The following NTN4 variants were observed in gnomAD, a reference collection of about 807,000 sequenced individuals.
NTN4 encodes the protein netrin 4.
NTN4 carries 32 observed loss-of-function variants against 73.6 expected under a neutral mutation model. The ratio of observed to expected loss-of-function variants is 0.44; its 90% CI spans 0.33 to 0.58. The LOEUF (loss-of-function observed/expected upper bound fraction) is 0.58. Among genes scored for constraint, NTN4 ranks in the 20% least tolerant of loss-of-function variants. NTN4 has a pLI of 0.04. For missense variants in NTN4, 654 were observed against 798.3 expected (o/e 0.82, Z 2.18); for synonymous variants, 258 against 287.5 (o/e 0.90, Z 1.04).
intron 1 of NTN4, among the ~76,000 whole-genome samples, chr12:95,787,909 T>TA (rs2079181690): frequency 6.6e-6 from 1 of 152,256 alleles, no homozygotes; most frequent in Non-Finnish European, 1.5e-5. Context: ...CCACCTAAGT[T>TA]AGTCTTTCAA....
At position 95,737,879 on chromosome 12, in the gene NTN4, C is replaced by T; in HGVS notation, c.851G>A (p.Gly284Glu). 6.2e-7 allele frequency: 1 copy of T among 1,611,090 alleles called. No homozygotes were observed. Among genetic ancestry groups the T allele is most frequent in the South Asian group, 1.1e-5 (1 of 90,838 alleles). ...VHGFRPVKAPGTFHMVHGKCM... is the reference protein window; with the variant it reads ...VHGFRPVKAPETFHMVHGKCM... ...TGTTTCACCTACCATGTGGAATGTT[C>T]CTGGGGCCTTGACAGGTCTGAAGCC... The change falls in exon 3 of 10, where the codon GGA becomes GAA. Residue 284 changes from glycine to glutamate, a missense_variant. By Grantham distance (98) the Gly-to-Glu change is moderately conservative. Transcript: ENST00000343702.
chr12:95,778,021 T>C (rs1297618313), intron 2 of NTN4, among the ~76,000 whole-genome samples: 1 of 151,802 alleles, frequency 6.6e-6, no homozygotes, highest in African/African-American at 2.4e-5. Context: ...TCAAAACCAC[T>C]CAACTACATG....
intron 1 of NTN4, among the ~76,000 whole-genome samples, chr12:95,787,840 C>T (rs868341290): frequency 1.6e-4 from 25 of 152,182 alleles, no homozygotes; most frequent in African/African-American, 6.0e-4. Context: ...TTCTGTATTT[C>T]AAATACATTG....
chr12:95,764,174 G>A (rs2079005820), intron 2 of NTN4, among the ~76,000 whole-genome samples: 1 of 152,218 alleles, frequency 6.6e-6, no homozygotes, highest in South Asian at 2.1e-4. Flanking sequence ...AGCCACAGCT[G>A]TAAAACATGT....
At chr12:95,758,819 G>A (rs2078964937) in intron 2 of NTN4, among the ~76,000 whole-genome samples, 1 of 152,180 alleles carries the variant, frequency 6.6e-6, no homozygotes. Context: ...GTCTCCCAAA[G>A]TGCTGAGATT....
chr12:95,667,189 G>A (rs2078187395), intron 8 of NTN4, among the ~76,000 whole-genome samples: 2 of 149,938 alleles, frequency 1.3e-5, no homozygotes, highest in Admixed American at 1.3e-4. Flanking sequence ...ACGTAGGGAA[G>A]TTCTTTTTTT....
chr12:95,664,362 TA>T (rs1466637141), intron 9 of NTN4, among the ~76,000 whole-genome samples: 1 of 152,068 alleles, frequency 6.6e-6, no homozygotes, highest in Non-Finnish European at 1.5e-5. Context: ...CCAGTCTATT[TA>T]TTTATTTATA....
intron 5 of NTN4, among the ~76,000 whole-genome samples, chr12:95,699,731 T>C (rs1177554631): frequency 6.6e-6 from 1 of 152,180 alleles, no homozygotes; most frequent in African/African-American, 2.4e-5. Context: ...TGGTAAATGC[T>C]TGGTTTGGGT....
At chr12:95,760,309 G>C (rs1286524653) in intron 2 of NTN4, among the ~76,000 whole-genome samples, 5 of 152,160 alleles carry the variant, frequency 3.3e-5, no homozygotes. Context: ...TACTAAGAAT[G>C]GTTCAACTAC....
chr12:95,775,557 C>G (rs1306429421), intron 2 of NTN4, among the ~76,000 whole-genome samples: 1 of 152,246 alleles, frequency 6.6e-6, no homozygotes, highest in Non-Finnish European at 1.5e-5. Flanking sequence ...CTCAGAGGGT[C>G]CCACGCCCAC....
At chr12:95,659,252 A>G (rs2120898831) in intron 9 of NTN4, 30 bp from the exon 10 acceptor site, 2 of 1,552,248 alleles carry the variant, frequency 1.3e-6, no homozygotes, top group East Asian at 2.3e-5. Context: ...GGGGCTATAC[A>G]GTATCATACT....
At chr12:95,687,376 GAAA>G (rs112729805) in intron 5 of NTN4, among the ~76,000 whole-genome samples, 1 of 148,684 alleles carries the variant, frequency 6.7e-6, no homozygotes, top group East Asian at 2.0e-4. Context: ...ATAATTTGGT[GAAA>G]AAAAATTTTT....
At chr12:95,768,825 T>C (rs537670167) in intron 2 of NTN4, among the ~76,000 whole-genome samples, 79 of 152,160 alleles carry the variant, frequency 5.2e-4, no homozygotes, top group African/African-American at 1.7e-3. Flanking sequence ...GAGAGAGGCA[T>C]ACCCACTAAA....
intron 5 of NTN4, among the ~76,000 whole-genome samples, chr12:95,687,906 G>A (rs2078373813): frequency 6.6e-6 from 1 of 152,130 alleles, no homozygotes; most frequent in Non-Finnish European, 1.5e-5. Context: ...CTATGTGAAA[G>A]AGCCCATGTG....
At chr12:95,693,559 C>T (rs980227442) in intron 5 of NTN4, among the ~76,000 whole-genome samples, 1 of 151,304 alleles carries the variant, frequency 6.6e-6, no homozygotes, top group Admixed American at 6.6e-5. Flanking sequence ...GGTGAAAGTC[C>T]GTCTCTACTA....
rs2078319020 is a variant in NTN4 at position 95,681,918 on chromosome 12, T to G, written c.1510+789A>C. Among the ~76,000 whole-genome samples, 4 of 152,326 alleles carry G rather than the reference T, an allele frequency of 2.6e-5. No homozygotes were observed. In the South Asian group the frequency reaches 8.3e-4, roughly 32 times the overall value. On this transcript the variant is annotated intron_variant, in intron 7 of 9. Coordinates refer to ENST00000343702, the MANE Select transcript of NTN4 (RefSeq NM_021229.4). ...TTTAGTTTGTAGAATTACTTTTGCT[T>G]TCTAGTTGTAAAAAAGCTATAAACA...
intron 2 of NTN4, among the ~76,000 whole-genome samples, chr12:95,746,575 GGTA>G (rs1220207896): frequency 6.6e-6 from 1 of 152,284 alleles, no homozygotes; most frequent in East Asian, 1.9e-4. Flanking sequence ...TCTGGCCTCA[GGTA>G]GTTTTCTTGC....
In NTN4 at chr12:95,790,687, G is replaced by A; in HGVS notation, c.-378C>T. The A allele has an allele frequency of 6.1e-6, 1 of 165,206 alleles. No homozygotes were observed. The highest frequency in any genetic ancestry group is 1.3e-5 in the Non-Finnish European group (1 of 77,174). 10.2% of individuals were successfully genotyped at this position (165,206 alleles called of 1,614,324 possible). On this transcript the variant is annotated 5_prime_UTR_variant, in exon 1 of 10. Coordinates refer to ENST00000343702, the MANE Select transcript of NTN4 (RefSeq NM_021229.4). This position sits in a 1 kb window ranked among gnomAD's most constrained non-coding sequence, Gnocchi z 6.5. ...CGAGACCTTTCACTTCCCGGCCGCC[G>A]CCGCCGCCTCCTCCTGGGCGTCCTC...
At chr12:95,686,084 G>A (rs1485320058) in intron 5 of NTN4, among the ~76,000 whole-genome samples, 1 of 151,808 alleles carries the variant, frequency 6.6e-6, no homozygotes, top group Non-Finnish European at 1.5e-5. Context: ...ATAGCGACAG[G>A]GTATCACTAT....
Sources: allele counts gnomAD v4.1 joint callset (sites outside exome capture counted in the v4.1 genomes callset), GRCh38; gene constraint gnomAD v4.1.1; non-coding constraint Gnocchi (gnomAD v3.1); transcripts MANE v1.5; gene names NCBI Gene and HGNC (gene_info 2026-07-23, HGNC 2026-07-21).